MIER3: variants seen among roughly 807,000 people sequenced by gnomAD.
The protein encoded by MIER3 is MIER family member 3, also known as mesoderm induction early response protein 3.
Under a neutral mutation model 63.2 loss-of-function variants are expected in MIER3, and 9 were observed. The observed-to-expected ratio is 0.14, with a 90% CI of 0.09 to 0.25. MIER3 has a LOEUF of 0.25. Among genes scored for constraint, MIER3 ranks in the 10% least tolerant of loss-of-function variants. MIER3 has a pLI of 1.00. For synonymous variants in MIER3, 205 were observed against 224.9 expected, an observed-to-expected ratio of 0.91 and a Z score of 0.79; for missense variants, 512 against 666.2, an observed-to-expected ratio of 0.77 and a Z score of 2.55.
rs180884130 is a variant in MIER3 at position 56,949,104 on chromosome 5, C to T, written c.34+1524G>A. Among the ~76,000 whole-genome samples, 1,233 of 152,238 alleles carry T rather than the reference C, an allele frequency of 8.1e-3. 10 individuals carry two copies. Among genetic ancestry groups the T allele is most frequent in the Middle Eastern group, 0.02 (6 of 294 alleles). ...TTTTTAAAAAACTGGCTAATTAATC[C>T]CAGCACTTTGGGAGGCCGAGGCAGG... is the stretch of plus-strand genomic sequence containing the variant. On this transcript the variant is annotated intron_variant, in intron 2 of 12. Coordinates refer to ENST00000381199, the MANE Select transcript of MIER3 (RefSeq NM_001297599.2).
chr5:56,923,775 A>C lies in MIER3; in HGVS notation c.1111T>G (p.Ser371Ala). The stretch of plus-strand genomic sequence containing the variant: ...TCAGGCCGGTTAGAAGTTAAGGCTG[A>C]AGCATTTACCGTCCCACCCAAAGCT... Reference protein sequence around the residue: ...TEALGGTVNASALTSNRPEPI... With the variant: ...TEALGGTVNAAALTSNRPEPI... Residue 371 changes from serine to alanine, a missense_variant, in exon 12 of 13, where the codon TCA (serine) becomes GCA (alanine). Physicochemically the swap from Ser to Ala is moderately conservative, Grantham distance 99 (BLOSUM62 1). Around this residue, in one of 5 missense-constraint regions of MIER3, gnomAD observed 218 missense variants for 251.2 expected, o/e 0.87. Coordinates refer to ENST00000381199, the MANE Select transcript of MIER3 (RefSeq NM_001297599.2). 1.2e-6 allele frequency: 2 copies of C among 1,614,196 alleles called. No individual in the cohort carries two copies. The highest frequency in any genetic ancestry group is 1.7e-6 in the Non-Finnish European group (2 of 1,180,014).
At position 56,923,982 on chromosome 5, in the gene MIER3, G is replaced by A. The variant is rs777992121; in HGVS notation, c.985C>T (p.Arg329Cys). ...GTCTGTTGAGCAAAGTAATCATAACGTTCAGATTTCTTCCACATATAGTAG... is the reference window on the plus strand; with the variant it reads ...GTCTGTTGAGCAAAGTAATCATAACATTCAGATTTCTTCCACATATAGTAG... ...AFYYMWKKSERYDYFAQQTRF... is the reference protein window; with the variant it reads ...AFYYMWKKSECYDYFAQQTRF... Residue 329 changes from arginine to cysteine, a missense_variant, in exon 11 of 13, where the codon CGT becomes TGT. Physicochemically the swap from Arg to Cys is radical, Grantham distance 180. This residue lies in a region of MIER3 where 34 missense variants were observed against 86.3 expected (regional missense o/e 0.39). Transcript: ENST00000381199. 2 of 1,613,900 alleles carry A rather than the reference G, an allele frequency of 1.2e-6. No individual in the cohort carries two copies. Among genetic ancestry groups the A allele is most frequent in the Middle Eastern group, 1.7e-4 (1 of 6,060 alleles).
chr5:56,933,226 T>A (rs1369364825), intron 8 of MIER3, 21 bp downstream of exon 8: 1 of 1,560,398 alleles, frequency 6.4e-7, no homozygotes, highest in East Asian at 2.3e-5. Context: ...GGCTGCTGTT[T>A]CAACAGAAGC....
At chr5:56,936,412 T>C (rs911865161) in intron 5 of MIER3, among the ~76,000 whole-genome samples, 5 of 152,056 alleles carry the variant, frequency 3.3e-5, no homozygotes, top group Non-Finnish European at 7.4e-5. Flanking sequence ...CACGAATGCA[T>C]GGATATTTGA....
chr5:56,947,718 G>A (rs1023381992), intron 2 of MIER3, among the ~76,000 whole-genome samples: 37 of 152,134 alleles, frequency 2.4e-4, no homozygotes, highest in Non-Finnish European at 5.3e-4. Flanking sequence ...GCTTTACTTT[G>A]GATTACTAAC....
Position 56,921,129 on chromosome 5 carries a change from T to C in MIER3, c.*1999A>G, listed in dbSNP as rs1259565452. 6.6e-6 allele frequency: 1 copy of C among 152,584 alleles called. No individual in the cohort carries two copies. The highest frequency in any genetic ancestry group is 6.5e-5 in the Admixed American group (1 of 15,268). 9.5% of individuals were successfully genotyped at this position (152,584 alleles called of 1,614,324 possible). A position where few individuals can be genotyped will look rare whatever the true frequency, so the allele number is the denominator to read the frequency against. On this transcript the variant is annotated 3_prime_UTR_variant, in exon 13 of 13. Coordinates refer to ENST00000381199, the MANE Select transcript of MIER3 (RefSeq NM_001297599.2). ...CTGCATCAGCTACTGAGAATGGGCA[T>C]GTTCATTTAAGTGCAACTGGTATTA... is the stretch of plus-strand genomic sequence containing the variant.
intron 3 of MIER3, among the ~76,000 whole-genome samples, chr5:56,940,204 A>C (rs530730374): frequency 6.6e-6 from 1 of 152,358 alleles, no homozygotes; most frequent in Non-Finnish European, 1.5e-5. Flanking sequence ...CATTCGAATA[A>C]ATAACCTCAA....
intron 10 of MIER3, among the ~76,000 whole-genome samples, chr5:56,925,791 T>C (rs139750432): frequency 6.6e-4 from 100 of 151,900 alleles, no homozygotes; most frequent in African/African-American, 1.7e-3. Context: ...ATAGCCAACA[T>C]AGTATTACGA....
At position 56,922,313 on chromosome 5, in the gene MIER3, ACC is replaced by A. The variant is rs1749708767; in HGVS notation, c.*813_*814del. ...TACAATCTTGACAATGGTGGACAAA[ACC>A]CCATCTGAGTACCACATCTTCAAAT... On this transcript the variant is annotated 3_prime_UTR_variant, in exon 13 of 13. Coordinates refer to ENST00000381199, the MANE Select transcript of MIER3 (RefSeq NM_001297599.2). 1 of 152,412 alleles carries A rather than the reference ACC, an allele frequency of 6.6e-6. No individual in the cohort carries two copies. Among genetic ancestry groups the A allele is most frequent in the African/African-American group, 2.4e-5 (1 of 41,442 alleles). The allele number at this position is 152,412 out of a possible 1,614,324, so 9.4% of individuals were successfully genotyped here.
rs1413096508 is a variant in MIER3 at position 56,935,491 on chromosome 5, T to G, written c.532A>C (p.Ile178Leu). 5.7e-6 allele frequency: 9 copies of G among 1,590,516 alleles called. No individual in the cohort carries two copies. Among genetic ancestry groups the G allele is most frequent in the Non-Finnish European group, 7.7e-6 (9 of 1,173,156 alleles). ...SPEDLRKEIM[I>L]GLQYQAEIPP... is the part of the protein sequence containing the mutation. The stretch of plus-strand genomic sequence containing the variant: ...ATCTCTGCCTGATATTGTAAACCAA[T>G]CATTATTTCCTACAGGAAAATTGAG... The change falls in exon 7 of 13, where the codon ATT (isoleucine) becomes CTT (leucine). Residue 178 changes from isoleucine to leucine, a missense_variant. Ile to Leu is a conservative substitution (Grantham distance 5). Around this residue, in one of 5 missense-constraint regions of MIER3, gnomAD observed 118 missense variants for 133.6 expected, o/e 0.88. Coordinates refer to ENST00000381199, the MANE Select transcript of MIER3 (RefSeq NM_001297599.2).
At position 56,920,324 on chromosome 5, in the gene MIER3, A is replaced by AGTT. The variant is rs1448082765; in HGVS notation, c.*2801_*2803dup. The AGTT allele has an allele frequency of 1.3e-5, 2 of 152,598 alleles. No individual in the cohort carries two copies. The highest frequency in any genetic ancestry group is 2.9e-5 in the Non-Finnish European group (2 of 67,990). 9.5% of individuals were successfully genotyped at this position (152,598 alleles called of 1,614,324 possible). A position where few individuals can be genotyped will look rare whatever the true frequency, so the allele number is the denominator to read the frequency against. ...AATGTATTGCTATAATCACAGCACCAGTTACACTTCTAAATGAATCCACTG... is the reference window on the plus strand; with the variant it reads ...AATGTATTGCTATAATCACAGCACCAGTTGTTACACTTCTAAATGAATCCACTG... On this transcript the variant is annotated 3_prime_UTR_variant, in exon 13 of 13. Coordinates refer to ENST00000381199, the MANE Select transcript of MIER3 (RefSeq NM_001297599.2).
At chr5:56,927,244 C>T (rs1750034721) in intron 10 of MIER3, among the ~76,000 whole-genome samples, 1 of 152,042 alleles carries the variant, frequency 6.6e-6, no homozygotes, top group Non-Finnish European at 1.5e-5. Flanking sequence ...AAACTATGGA[C>T]TTTAATTAAT....
intron 3 of MIER3, among the ~76,000 whole-genome samples, chr5:56,940,452 A>C (rs1391603904): frequency 6.6e-6 from 1 of 152,236 alleles, no homozygotes; most frequent in Non-Finnish European, 1.5e-5. Flanking sequence ...GGCTGCCCAC[A>C]GGGCCCACAG....
rs995655905 is a variant in MIER3, at chr5:56,921,300, G to T, written c.*1828C>A. ...ACTGATTTTTAATAAAAGAAATAAG[G>T]TTCAAAGTTTAGCACAACAACACAG... On this transcript the variant is annotated 3_prime_UTR_variant, in exon 13 of 13. Coordinates refer to ENST00000381199, the MANE Select transcript of MIER3 (RefSeq NM_001297599.2). The T allele has an allele frequency of 2.0e-5, 3 of 152,372 alleles. No individual in the cohort carries two copies. Among genetic ancestry groups the T allele is most frequent in the African/African-American group, 4.8e-5 (2 of 41,410 alleles). The allele number at this position is 152,372 out of a possible 1,614,324, so 9.4% of individuals were successfully genotyped here. A position where few individuals can be genotyped will look rare whatever the true frequency, so the allele number is the denominator to read the frequency against.
At chr5:56,933,158 C>T (rs1328421492) in intron 8 of MIER3, 89 bp downstream of exon 8, 2 of 1,325,828 alleles carry the variant, frequency 1.5e-6, no homozygotes, top group Non-Finnish European at 2.0e-6. Flanking sequence ...AAGATATCTA[C>T]CTCACATGTT....
In MIER3 at chr5:56,922,303, G is replaced by A. The variant is rs1376515488; in HGVS notation, c.*825C>T. The A allele has an allele frequency of 1.3e-5, 2 of 152,380 alleles. No homozygotes were observed. The highest frequency in any genetic ancestry group is 6.5e-5 in the Admixed American group (1 of 15,268). The allele number at this position is 152,380 out of a possible 1,614,324, so 9.4% of individuals were successfully genotyped here. On this transcript the variant is annotated 3_prime_UTR_variant, in exon 13 of 13. Transcript: ENST00000381199. ...TTTTTAAGATTACAATCTTGACAAT[G>A]GTGGACAAAACCCCATCTGAGTACC...
intron 3 of MIER3, among the ~76,000 whole-genome samples, chr5:56,943,751 A>T (rs907616052): frequency 6.6e-6 from 1 of 152,172 alleles, no homozygotes; most frequent in African/African-American, 2.4e-5. Flanking sequence ...CATAAAAACA[A>T]TTTTTTCAAA....
chr5:56,950,073 G>A (rs1750964981), intron 2 of MIER3, among the ~76,000 whole-genome samples: 2 of 152,170 alleles, frequency 1.3e-5, no homozygotes, highest in African/African-American at 2.4e-5. Flanking sequence ...ACCTAAGATC[G>A]TCTCAGCTCA....
intron 9 of MIER3, 62 bp from the exon 10 acceptor site, chr5:56,928,923 T>A: frequency 8.8e-7 from 1 of 1,134,398 alleles, no homozygotes; most frequent in Non-Finnish European, 1.3e-6. Flanking sequence ...AATCACTGAT[T>A]TTCAGTATGT....
Sources: allele counts gnomAD v4.1 joint callset (sites outside exome capture counted in the v4.1 genomes callset), GRCh38; gene constraint gnomAD v4.1.1; regional missense constraint gnomAD v4.1.1; transcripts MANE v1.5; gene names NCBI Gene and HGNC (gene_info 2026-07-23, HGNC 2026-07-21).